Variants in SPEG observed in about 807,000 individuals in gnomAD.
The protein encoded by SPEG is striated muscle enriched protein kinase, also known as striated muscle preferentially expressed protein kinase.
Under a neutral mutation model 300.4 loss-of-function variants are expected in SPEG, and 114 were observed. The ratio of observed to expected loss-of-function variants is 0.38; its 90% CI spans 0.33 to 0.44. The LOEUF is 0.44. Among genes scored for constraint, SPEG ranks in the 20% least tolerant of loss-of-function variants. The pLI is 1.00. For missense variants in SPEG, 4,201 were observed against 4,586.2 expected (o/e 0.92, Z 2.43); for synonymous variants, 1,964 against 2,018.9 (o/e 0.97, Z 0.73).
Position 219,492,817 on chromosome 2 carries a change from C to T in SPEG, c.*31C>T. On this transcript the variant is annotated 3_prime_UTR_variant, in exon 41 of 41. Coordinates refer to ENST00000312358, the MANE Select transcript of SPEG (RefSeq NM_005876.5). ...CGGACCACAGCCAGGCCTCGGGCTT[C>T]AACTGGGGTTCCCACCAATGCCACG... 6.5e-7 allele frequency: 1 copy of T among 1,544,144 alleles called. No individual in the cohort carries two copies. Among genetic ancestry groups the T allele is most frequent in the South Asian group, 1.2e-5 (1 of 85,544 alleles).
At position 219,461,861 on chromosome 2, in the gene SPEG, GC is replaced by G; in HGVS notation, c.2441-20del. The G allele has an allele frequency of 6.2e-7, 1 of 1,610,482 alleles. No individual in the cohort carries two copies. Among genetic ancestry groups the G allele is most frequent in the Non-Finnish European group, 8.5e-7 (1 of 1,178,038 alleles). ...TCTCTGCTCGCCTTCCTCCCTGGTA[GC>G]TATCTCTGTCTCTCTCCAGGTGGGT... is the stretch of plus-strand genomic sequence containing the variant. On this transcript the variant is annotated intron_variant, in intron 6 of 40. Coordinates refer to ENST00000312358, the MANE Select transcript of SPEG (RefSeq NM_005876.5).
chr2:219,490,984 G>A (rs745494292), intron 38 of SPEG, 28 bp downstream of exon 38: 11 of 1,586,102 alleles, frequency 6.9e-6, no homozygotes, highest in South Asian at 1.1e-5. Flanking sequence ...CAGCCAGGGT[G>A]GGGACAGGGC....
In SPEG at chr2:219,493,101, G is replaced by A; in HGVS notation, c.*315G>A. On this transcript the variant is annotated 3_prime_UTR_variant, in exon 41 of 41. Transcript: ENST00000312358. ...GAGGGACAGGAAGGGGGAGGCTCTA[G>A]GAAGGTTCTGGGTTGGGGGTCAGTG... 2 of 601,090 alleles carry A rather than the reference G, an allele frequency of 3.3e-6. No individual in the cohort carries two copies. Among genetic ancestry groups the A allele is most frequent in the Non-Finnish European group, 6.2e-6 (2 of 322,156 alleles). 37.2% of individuals were successfully genotyped at this position (601,090 alleles called of 1,614,324 possible).
intron 4 of SPEG, chr2:219,450,885 T>C: frequency 2.5e-6 from 1 of 400,010 alleles, no homozygotes; most frequent in Non-Finnish European, 4.5e-6. Flanking sequence ...TAATTGTGGA[T>C]GAAGTTGAGG....
intron 1 of SPEG, among the ~76,000 whole-genome samples, chr2:219,437,819 A>G (rs1423952318): frequency 6.6e-6 from 1 of 152,104 alleles, no homozygotes; most frequent in African/African-American, 2.4e-5. Context: ...CTCCTGCTCC[A>G]GGGCAGCCGG....
Position 219,467,361 on chromosome 2 carries a change from A to G in SPEG, c.3069A>G (p.Lys1023=). The change falls in exon 10 of 41, where the codon AAA becomes AAG. Residue 1023 remains lysine (K), a synonymous_variant. Transcript: ENST00000312358. ...GCAAGATGCATTTCGATGGCCGCAA[A>G]TGCAAGCTGCTACTTACATCTGTAC... ...LKCKMHFDGR[K]CKLLLTSVHE... is the part of the protein sequence containing the mutation. The G allele has an allele frequency of 1.2e-6, 2 of 1,612,574 alleles. No individual in the cohort carries two copies. The highest frequency in any genetic ancestry group is 1.1e-5 in the South Asian group (1 of 91,080).
intron 1 of SPEG, among the ~76,000 whole-genome samples, chr2:219,435,921 C>G (rs1222685697): frequency 1.3e-5 from 2 of 152,142 alleles, no homozygotes; most frequent in Admixed American, 6.5e-5. Flanking sequence ...GAACAGGGTC[C>G]AGGGTAGGAG....
In SPEG at chr2:219,479,400, C is replaced by G. The variant is rs1692628183; in HGVS notation, c.5085+199C>G. ...CCATCTATCTGAGACTTGTGCTATT[C>G]TCTCTAAATCTCAGCAAACCCACCC... On this transcript the variant is annotated intron_variant, in intron 23 of 40. Coordinates refer to ENST00000312358, the MANE Select transcript of SPEG (RefSeq NM_005876.5). The surrounding 1 kb of genome is among the most constrained non-coding windows in gnomAD (Gnocchi z 5.5). 6.6e-6 allele frequency among the ~76,000 whole-genome samples: 1 copy of G among 152,216 alleles called. No individual in the cohort carries two copies. Among genetic ancestry groups the G allele is most frequent in the Admixed American group, 6.5e-5 (1 of 15,280 alleles).
intron 8 of SPEG, among the ~76,000 whole-genome samples, chr2:219,462,809 T>G (rs1690851462): frequency 6.6e-6 from 1 of 152,130 alleles, no homozygotes; most frequent in African/African-American, 2.4e-5. Context: ...TCCCAGCTAC[T>G]TGGGAGGCTG....
chr2:219,482,454 A>T, intron 28 of SPEG: 1 of 280,614 alleles, frequency 3.6e-6, no homozygotes, highest in Non-Finnish European at 6.8e-6. Flanking sequence ...ACCCGGGTAA[A>T]GGGCCTAAGA....
rs1305354646 is a variant in SPEG at position 219,493,013 on chromosome 2, C to T, written c.*227C>T. On this transcript the variant is annotated 3_prime_UTR_variant, in exon 41 of 41. Coordinates refer to ENST00000312358, the MANE Select transcript of SPEG (RefSeq NM_005876.5). ...GAGTGGGAGACCCATTGGTCAGGCTCAGCAGGGTGGGAACAGGCAGAGGGA... is the reference window on the plus strand; with the variant it reads ...GAGTGGGAGACCCATTGGTCAGGCTTAGCAGGGTGGGAACAGGCAGAGGGA... The T allele has an allele frequency of 4.3e-6, 3 of 701,834 alleles. No homozygotes were observed. The highest frequency in any genetic ancestry group is 2.0e-5 in the Admixed American group (1 of 49,890). The allele number at this position is 701,834 out of a possible 1,614,324, so 43.5% of individuals were successfully genotyped here.
intron 3 of SPEG, among the ~76,000 whole-genome samples, chr2:219,446,682 G>C (rs1326188380): frequency 6.6e-6 from 1 of 152,176 alleles, no homozygotes; most frequent in African/African-American, 2.4e-5. Flanking sequence ...CAGACACTTT[G>C]GAGGAAATAA....
intron 1 of SPEG, among the ~76,000 whole-genome samples, chr2:219,435,891 G>C (rs1954705968): frequency 1.3e-5 from 2 of 152,218 alleles, no homozygotes; most frequent in Admixed American, 1.3e-4. Flanking sequence ...TGTGGAAGAG[G>C]CCTATGGTTG....
intron 31 of SPEG, among the ~76,000 whole-genome samples, chr2:219,486,042 C>T (rs759790834): frequency 7.9e-5 from 12 of 152,230 alleles, no homozygotes; most frequent in South Asian, 4.1e-4. Context: ...TAGAGGACCA[C>T]GACCTGGATT....
chr2:219,444,823 A>G lies in SPEG; in HGVS notation c.479-2A>G. The G allele has an allele frequency of 6.3e-7, 1 of 1,595,918 alleles. No individual in the cohort carries two copies. The highest frequency in any genetic ancestry group is 1.7e-5 in the Admixed American group (1 of 58,526). ...TCAGTCTCACGGTGCTCCTTTCTCT[A>G]GGGGGTTCTGACACCCTGGTGGGCA... On this transcript the variant is annotated splice_acceptor_variant, in intron 2 of 40. Transcript: ENST00000312358. LOFTEE classifies it high-confidence loss of function. The surrounding 1 kb of genome is among the most constrained non-coding windows in gnomAD (Gnocchi z 7.8).
In SPEG at chr2:219,493,321, A is replaced by AGGTGG. The variant is rs1694138000; in HGVS notation, c.*542_*546dup. On this transcript the variant is annotated 3_prime_UTR_variant, in exon 41 of 41. Transcript: ENST00000312358. ...GAGGGAGAAGAGAGGACTCAGGTGG[A>AGGTGG]GGTGGGGTGGGTCAGCTGTCAGCAT... is the stretch of plus-strand genomic sequence containing the variant. 2.8e-6 allele frequency: 1 copy of AGGTGG among 356,590 alleles called. No individual in the cohort carries two copies. The highest frequency in any genetic ancestry group is 3.7e-5 in the Admixed American group (1 of 26,750). The allele number at this position is 356,590 out of a possible 1,614,324, so 22.1% of individuals were successfully genotyped here.
In SPEG at chr2:219,481,336, A is replaced by G; in HGVS notation, c.5402A>G (p.Asn1801Ser). The change falls in exon 27 of 41, where the codon AAT becomes AGT. Residue 1801 changes from asparagine (N) to serine (S), a missense_variant. Transcript: ENST00000312358. The surrounding 1 kb of genome is among the most constrained non-coding windows in gnomAD (Gnocchi z 5.4). ...LTGISPFVGE[N>S]DRTTLMNIRN... ...GGAATCTCCCCGTTTGTTGGGGAAA[A>G]TGACCGGACAACATTGATGAACATC... The G allele has an allele frequency of 6.2e-7, 1 of 1,614,146 alleles. No homozygotes were observed. Among genetic ancestry groups the G allele is most frequent in the Non-Finnish European group, 8.5e-7 (1 of 1,180,026 alleles).
At chr2:219,438,616 G>A (rs1221196891) in intron 1 of SPEG, among the ~76,000 whole-genome samples, 1 of 152,246 alleles carries the variant, frequency 6.6e-6, no homozygotes, top group South Asian at 2.1e-4. Flanking sequence ...CCTCAAAGCT[G>A]TGGGTGTGCG....
chr2:219,481,772 T>C lies in SPEG; in HGVS notation c.5565+92T>C. The C allele has an allele frequency of 8.8e-7, 1 of 1,136,652 alleles. No homozygotes were observed. Among genetic ancestry groups the C allele is most frequent in the Non-Finnish European group, 1.3e-6 (1 of 750,124 alleles). 70.4% of individuals were successfully genotyped at this position (1,136,652 alleles called of 1,614,324 possible). A position where few individuals can be genotyped will look rare whatever the true frequency, so the allele number is the denominator to read the frequency against. On this transcript the variant is annotated intron_variant, in intron 28 of 40. Transcript: ENST00000312358. This position sits in a 1 kb window ranked among gnomAD's most constrained non-coding sequence, Gnocchi z 5.4. ...TTTATTGAGTACCTACTGTGTGCAGTAACCACGTTAGGCATTGTATGTACA... is the reference window on the plus strand; with the variant it reads ...TTTATTGAGTACCTACTGTGTGCAGCAACCACGTTAGGCATTGTATGTACA...
Sources: gnomAD v4.1 joint callset for allele counts (sites outside exome capture counted in the v4.1 genomes callset) on GRCh38, gnomAD v4.1.1 for gene constraint, Gnocchi (gnomAD v3.1) non-coding constraint, MANE v1.5 for transcripts, NCBI Gene and HGNC (gene_info 2026-07-23, HGNC 2026-07-21) for gene names.